Variants in MED16 observed in about 807,000 individuals in gnomAD.
The protein encoded by MED16 is mediator complex subunit 16.
In MED16, 81 loss-of-function variants were observed where a neutral mutation model predicts 84.4. That is an observed-to-expected ratio of 0.96 (90% CI 0.80 to 1.15). The LOEUF is 1.15. Among genes scored for constraint, MED16 ranks in the 50% most tolerant of loss-of-function variants. The pLI, the probability that MED16 is intolerant of heterozygous loss-of-function variation, is 0.00. For missense variants in MED16, 1,585 were observed against 1,245.9 expected (o/e 1.27, Z -4.10); for synonymous variants, 897 against 552.2 (o/e 1.62, Z -8.76).
rs748656732 is a variant in MED16, at chr19:880,159, C to A, written c.1142-11G>T. 104 of 1,603,270 alleles carry A rather than the reference C, an allele frequency of 6.5e-5. No homozygotes were observed. The highest frequency in any genetic ancestry group is 8.7e-5 in the Non-Finnish European group (102 of 1,177,458). ...AGGCCAGGGCCAGCCCTGTGGGGCA[C>A]AGGCACTGCTTAGACATGGGCAGGG... On this transcript the variant is annotated splice_polypyrimidine_tract_variant and intron_variant, in intron 7 of 15. Transcript: ENST00000325464.
At chr19:882,596 G>A (rs544926403) in intron 6 of MED16, among the ~76,000 whole-genome samples, 19 of 152,356 alleles carry the variant, frequency 1.2e-4, no homozygotes, top group African/African-American at 4.1e-4. Flanking sequence ...TGTGGGACAC[G>A]GAGGGCAGCT....
chr19:868,924 C>T lies in MED16; in HGVS notation c.2338G>A (p.Asp780Asn). ...CCAAGGTGCAGCCTCCGCAGGTGGT[C>T]GATCTTGGGCTGGCCTGGGGCCCTG... ...LARAPGQPKIDHLRRLHLGAC... is the reference protein window; with the variant it reads ...LARAPGQPKINHLRRLHLGAC... The change falls in exon 14 of 16, where the codon GAC becomes AAC. Residue 780 changes from aspartate (D) to asparagine (N), a missense_variant. Asp to Asn is a conservative substitution (Grantham distance 23, BLOSUM62 1). Coordinates refer to ENST00000325464, the MANE Select transcript of MED16 (RefSeq NM_005481.3). 11 of 1,546,570 alleles carry T rather than the reference C, an allele frequency of 7.1e-6. No homozygotes were observed. Among genetic ancestry groups the T allele is most frequent in the African/African-American group, 1.4e-5 (1 of 73,668 alleles).
In MED16 at chr19:875,123, C is replaced by A. The variant is rs2036198579; in HGVS notation, c.1771+121G>T. On this transcript the variant is annotated intron_variant, in intron 10 of 15. Transcript: ENST00000325464. ...AGGCTGCAGTGAGCTGAGATCGCACCACTGCACTCCAGCCTGGGCAACAGA... is the reference window on the plus strand; with the variant it reads ...AGGCTGCAGTGAGCTGAGATCGCACAACTGCACTCCAGCCTGGGCAACAGA... The A allele has an allele frequency of 6.4e-6, 4 of 624,224 alleles. No individual in the cohort carries two copies. In the South Asian group the frequency reaches 1.2e-4, roughly 19 times the overall value. The allele number at this position is 624,224 out of a possible 1,614,324, so 38.7% of individuals were successfully genotyped here. A position where few individuals can be genotyped will look rare whatever the true frequency, so the allele number is the denominator to read the frequency against.
chr19:880,060 G>A lies in MED16; in HGVS notation c.1230C>T (p.Ala410=), dbSNP rs538404680. The change falls in exon 8 of 16, where the codon GCC becomes GCT. Residue 410 remains alanine (A), a synonymous_variant. Coordinates refer to ENST00000325464, the MANE Select transcript of MED16 (RefSeq NM_005481.3). ...QTMAVFYSSA[A]PRPVDEPAMK... is the part of the protein sequence containing the mutation. Reference sequence around the variant, plus strand: ...TGGCCGGCTCATCCACAGGCCTCGGGGCCGCGGAGCTGTAGAAGACGGCCA... The same window carrying A: ...TGGCCGGCTCATCCACAGGCCTCGGAGCCGCGGAGCTGTAGAAGACGGCCA... The A allele has an allele frequency of 6.2e-7, 1 of 1,611,294 alleles. No individual in the cohort carries two copies. The highest frequency in any genetic ancestry group is 8.5e-7 in the Non-Finnish European group (1 of 1,179,412).
At chr19:872,669 G>A (rs1056961177) in intron 11 of MED16, among the ~76,000 whole-genome samples, 7 of 151,854 alleles carry the variant, frequency 4.6e-5, no homozygotes, top group African/African-American at 1.7e-4. Flanking sequence ...GTGGGGGCGA[G>A]GTTGGAGCCC....
chr19:885,092 G>T, intron 5 of MED16, 84 bp from the exon 6 acceptor site: 1 of 1,066,832 alleles, frequency 9.4e-7, no homozygotes, highest in Non-Finnish European at 1.4e-6. Flanking sequence ...CGGGACCCTG[G>T]GGCCACGCAC....
At position 885,929 on chromosome 19, in the gene MED16, C is replaced by G; in HGVS notation, c.720G>C (p.Gln240His). ...TADGSSASPV[Q>H]FYKVCVSVVS... ...CCACGCTCACGCACACCTTGTAGAA[C>G]TGCACGGGCGACGCGCTGCTGCCGT... Residue 240 changes from glutamine (Q) to histidine (H), a missense_variant, in exon 5 of 16, where the codon CAG (glutamine) becomes CAC (histidine). Coordinates refer to ENST00000325464, the MANE Select transcript of MED16 (RefSeq NM_005481.3). 1 of 1,613,262 alleles carries G rather than the reference C, an allele frequency of 6.2e-7. No individual in the cohort carries two copies. The highest frequency in any genetic ancestry group is 8.5e-7 in the Non-Finnish European group (1 of 1,179,924).
At chr19:886,638 G>A (rs1199690100) in intron 4 of MED16, among the ~76,000 whole-genome samples, 2 of 152,262 alleles carry the variant, frequency 1.3e-5, no homozygotes, top group Non-Finnish European at 2.9e-5. Flanking sequence ...GGGCCGCACT[G>A]TGCAGACCTG....
In MED16 at chr19:868,863, C is replaced by G; in HGVS notation, c.2399G>C (p.Arg800Thr). ...CPTEECKACTRCGCVTMLKSP... is the reference protein window; with the variant it reads ...CPTEECKACTTCGCVTMLKSP... ...GTCAGCGGTTCCGGGGGCCCCTCAC[C>G]TGGTGCAGGCCTTGCATTCCTCCGT... The change falls in exon 14 of 16, where the codon AGG becomes ACG. Residue 800 changes from arginine (R) to threonine (T), a missense_variant and splice_region_variant. By Grantham distance (71) the Arg-to-Thr change is moderately conservative. Coordinates refer to ENST00000325464, the MANE Select transcript of MED16 (RefSeq NM_005481.3). 1 of 1,548,134 alleles carries G rather than the reference C, an allele frequency of 6.5e-7. No homozygotes were observed. The highest frequency in any genetic ancestry group is 8.7e-7 in the Non-Finnish European group (1 of 1,148,598).
intron 4 of MED16, among the ~76,000 whole-genome samples, chr19:887,868 GGT>G (rs1223173448): frequency 6.6e-6 from 1 of 151,852 alleles, no homozygotes; most frequent in Non-Finnish European, 1.5e-5. Flanking sequence ...GATGGATCAG[GGT>G]GATGCAGGAT....
chr19:889,472 G>A (rs1282119053), intron 4 of MED16, among the ~76,000 whole-genome samples, 166 bp downstream of exon 4: 2 of 152,306 alleles, frequency 1.3e-5, no homozygotes, highest in African/African-American at 2.4e-5. Flanking sequence ...TAAATGAGAG[G>A]CCACTGAACA....
intron 4 of MED16, among the ~76,000 whole-genome samples, chr19:888,663 T>C (rs2930905): frequency 0.22 from 33,858 of 151,850 alleles, 4,041 homozygotes; most frequent in Middle Eastern, 0.28. Context: ...GTGAACTCCA[T>C]CCCGACAAAA....
chr19:878,188 C>G (rs1182684474), intron 8 of MED16, among the ~76,000 whole-genome samples: 2 of 146,138 alleles, frequency 1.4e-5, no homozygotes, highest in Non-Finnish European at 3.0e-5. Flanking sequence ...GAGCCCAGCC[C>G]CACGTGCCCC....
At chr19:871,759 G>GA in intron 12 of MED16, 167 bp downstream of exon 12, 1 of 697,160 alleles carries the variant, frequency 1.4e-6, no homozygotes, top group East Asian at 3.0e-5. Context: ...TTGGTAGGGA[G>GA]AGGGGAGCGG....
chr19:878,358 AGCCCC>A (rs1306504665), intron 8 of MED16, among the ~76,000 whole-genome samples: 12 of 8,434 alleles, frequency 1.4e-3, no homozygotes, highest in Non-Finnish European at 1.4e-3. Context: ...AATGCCCACC[AGCCCC>A]AGCCCCAGCC....
intron 14 of MED16, 120 bp downstream of exon 14, chr19:868,743 C>G (rs952968238): frequency 1.3e-5 from 15 of 1,192,118 alleles, no homozygotes; most frequent in African/African-American, 3.1e-5. Flanking sequence ...CCAACACTCC[C>G]TCTGGGACGT....
At chr19:888,760 G>A (rs1054161206) in intron 4 of MED16, among the ~76,000 whole-genome samples, 3 of 152,196 alleles carry the variant, frequency 2.0e-5, no homozygotes, top group African/African-American at 7.2e-5. Context: ...CGAAGCCGGT[G>A]CTGCGTGTAC....
At chr19:881,508 T>C (rs1478194613) in intron 7 of MED16, 51 bp downstream of exon 7, 4 of 1,564,960 alleles carry the variant, frequency 2.6e-6, no homozygotes, top group Non-Finnish European at 2.6e-6. Flanking sequence ...AGGGCCCAAC[T>C]CCCCTGGTGT....
intron 8 of MED16, among the ~76,000 whole-genome samples, chr19:878,582 C>G (rs2036327283): frequency 7.6e-6 from 1 of 132,024 alleles, no homozygotes; most frequent in African/African-American, 2.9e-5. Flanking sequence ...CCACATGCCC[C>G]AGCAGCTCAC....
Sources: allele counts gnomAD v4.1 joint callset (sites outside exome capture counted in the v4.1 genomes callset), GRCh38; gene constraint gnomAD v4.1.1; transcripts MANE v1.5; gene names NCBI Gene and HGNC (gene_info 2026-07-23, HGNC 2026-07-21).